The following COL4A3 variants were observed in gnomAD, a reference collection of about 807,000 sequenced individuals.
COL4A3 encodes collagen type IV alpha 3 chain.
Under a neutral mutation model 217.4 loss-of-function variants are expected in COL4A3, and 135 were observed. The observed-to-expected ratio is 0.62, with a 90% confidence interval of 0.54 to 0.72. The LOEUF (loss-of-function observed/expected upper bound fraction) is 0.72, where lower values mean the gene tolerates loss of function less well. Ranked by LOEUF, COL4A3 falls within the 30% of genes least tolerant of loss-of-function variation. The pLI is 0.00. For synonymous variants in COL4A3, 690 were observed against 736.3 expected (o/e 0.94, Z 1.02); for missense variants, 1,868 against 2,119.9 (o/e 0.88, Z 2.33).
chr2:227,200,164 C>T (rs1027747453), intron 1 of COL4A3, among the ~76,000 whole-genome samples: 6 of 149,770 alleles, frequency 4.0e-5, no homozygotes, highest in Admixed American at 1.3e-4. Context: ...TTTGTGATCT[C>T]GATGTAGATG....
intron 43 of COL4A3, among the ~76,000 whole-genome samples, chr2:227,299,062 G>A (rs1429554257): frequency 6.6e-6 from 1 of 152,166 alleles, no homozygotes; most frequent in Non-Finnish European, 1.5e-5. Flanking sequence ...TGCAACAGGA[G>A]AGAGAATGAG....
intron 1 of COL4A3, chr2:227,228,729 C>T (rs72977853): frequency 0.21 from 32,460 of 152,048 alleles, 4,544 homozygotes; most frequent in Non-Finnish European, 0.31. Flanking sequence ...ATCCTTTTAA[C>T]GAACAATAAA....
At chr2:227,299,011 T>C (rs567207251) in intron 43 of COL4A3, among the ~76,000 whole-genome samples, 199 bp downstream of exon 43, 1 of 152,244 alleles carries the variant, frequency 6.6e-6, no homozygotes, top group Non-Finnish European at 1.5e-5. Context: ...TGGGGAGACC[T>C]CAAGAAACTT....
intron 9 of COL4A3, among the ~76,000 whole-genome samples, chr2:227,249,072 G>A (rs367686245): frequency 6.7e-6 from 1 of 150,130 alleles, no homozygotes; most frequent in East Asian, 2.0e-4. Context: ...GCCTGAGTAT[G>A]ATCCAAAAGG....
At chr2:227,257,016 C>T (rs187895855) in intron 17 of COL4A3, among the ~76,000 whole-genome samples, 13 of 152,250 alleles carry the variant, frequency 8.5e-5, no homozygotes, top group Non-Finnish European at 7.3e-5. Flanking sequence ...AATTGTAACA[C>T]AAAGGTGGGT....
intron 25 of COL4A3, among the ~76,000 whole-genome samples, chr2:227,272,031 A>C (rs2071272312): frequency 6.6e-6 from 1 of 152,194 alleles, no homozygotes; most frequent in Admixed American, 6.5e-5. Context: ...AAGATAAGCT[A>C]TCTGGTCTTT....
At chr2:227,188,917 G>A (rs2066131100) in intron 1 of COL4A3, among the ~76,000 whole-genome samples, 1 of 152,198 alleles carries the variant, frequency 6.6e-6, no homozygotes, top group Non-Finnish European at 1.5e-5. Context: ...TCACATGATA[G>A]GACAGGGATG....
intron 14 of COL4A3, 100 bp downstream of exon 14, chr2:227,254,274 G>C (rs942297956): frequency 5.0e-6 from 5 of 1,004,444 alleles, no homozygotes; most frequent in Non-Finnish European, 7.7e-6. Context: ...TTTTTTTAAA[G>C]AAAGTAAAGG....
intron 1 of COL4A3, among the ~76,000 whole-genome samples, chr2:227,188,027 GC>G (rs2125693233): frequency 6.6e-6 from 1 of 152,180 alleles, no homozygotes; most frequent in East Asian, 1.9e-4. Context: ...ACAAACAGCA[GC>G]CCCCACTGTT....
rs1559819942 is a variant in COL4A3 at position 227,202,898 on chromosome 2, T to TAC, written c.88-35069_88-35068insCA. Reference sequence around the variant, plus strand: ...ATATATACATATGTGTATATATGTGTATATATGTGTATATATACATATATG... The same window carrying TAC: ...ATATATACATATGTGTATATATGTGTACATATATGTGTATATATACATATATG... On this transcript the variant is annotated intron_variant, in intron 1 of 51. Transcript: ENST00000396578. Among the ~76,000 whole-genome samples the TAC allele has an allele frequency of 5.7e-4, 22 of 38,818 alleles. 1 individual carries two copies. Among genetic ancestry groups the TAC allele is most frequent in the African/African-American group, 2.5e-3 (16 of 6,482 alleles). 25.5% of individuals were successfully genotyped at this position (38,818 alleles called of 152,430 possible).
In COL4A3 at chr2:227,273,019, C is replaced by T; in HGVS notation, c.1829C>T (p.Ala610Val). The change falls in exon 26 of 52, where the codon GCA (alanine) becomes GTA (valine). Residue 610 changes from alanine to valine, a missense_variant. Ala to Val is a moderately conservative substitution (Grantham distance 64). Coordinates refer to ENST00000396578, the MANE Select transcript of COL4A3 (RefSeq NM_000091.5). Reference sequence around the variant, plus strand: ...GGCTCCCCTGGGTCCCCAGGACCTGCAGGACCAGCTGGACCACCTGGCTAC... The same window carrying T: ...GGCTCCCCTGGGTCCCCAGGACCTGTAGGACCAGCTGGACCACCTGGCTAC... ...DPGSPGSPGP[A>V]GPAGPPGYGP... 1 of 1,614,044 alleles carries T rather than the reference C, an allele frequency of 6.2e-7. No homozygotes were observed. The highest frequency in any genetic ancestry group is 8.5e-7 in the Non-Finnish European group (1 of 1,179,944).
intron 3 of COL4A3, 25 bp from the exon 4 acceptor site, chr2:227,244,295 T>G (rs1559860208): frequency 6.2e-7 from 1 of 1,612,344 alleles, no homozygotes; most frequent in African/African-American, 1.3e-5. Context: ...GAGTGTTTAC[T>G]TTTTCTTTTT....
intron 22 of COL4A3, 72 bp from the exon 23 acceptor site, chr2:227,266,921 G>T: frequency 9.9e-7 from 1 of 1,012,614 alleles, no homozygotes; most frequent in Non-Finnish European, 1.6e-6. Context: ...TGATAGTGTG[G>T]TTGGAAAATA....
intron 1 of COL4A3, among the ~76,000 whole-genome samples, chr2:227,202,746 A>AAAAAAAT (rs1553738297): frequency 9.0e-5 from 2 of 22,202 alleles, no homozygotes; most frequent in African/African-American, 2.4e-4. Flanking sequence ...AAAAAAAAAA[A>AAAAAAAT]ATATATATAT....
In COL4A3 at chr2:227,206,375, C is replaced by G. The variant is rs534650372; in HGVS notation, c.88-31593C>G. On this transcript the variant is annotated intron_variant, in intron 1 of 51. Transcript: ENST00000396578. ...GGCCTGAGCCACTGTGCCCCGCCCCCTCAGGTGATTCTAATGTGCAAGGAG... is the reference window on the plus strand; with the variant it reads ...GGCCTGAGCCACTGTGCCCCGCCCCGTCAGGTGATTCTAATGTGCAAGGAG... 2.6e-5 allele frequency among the ~76,000 whole-genome samples: 4 copies of G among 152,216 alleles called. No individual in the cohort carries two copies. The South Asian group carries it at 6.2e-4, about 24-fold the overall frequency.
chr2:227,277,341 C>T, intron 27 of COL4A3, 108 bp from the exon 28 acceptor site: 1 of 458,074 alleles, frequency 2.2e-6, no homozygotes, highest in Non-Finnish European at 3.7e-6. Context: ...AAAAAAAAAA[C>T]AATGTGCAAA....
At chr2:227,213,346 TG>T (rs1415722916) in intron 1 of COL4A3, among the ~76,000 whole-genome samples, 1 of 152,216 alleles carries the variant, frequency 6.6e-6, no homozygotes, top group Admixed American at 6.5e-5. Flanking sequence ...AGGTGTTGGA[TG>T]ACTTTTTTTG....
At chr2:227,279,250 T>A (rs2071786897) in intron 28 of COL4A3, among the ~76,000 whole-genome samples, 1 of 151,356 alleles carries the variant, frequency 6.6e-6, no homozygotes, top group Non-Finnish European at 1.5e-5. Flanking sequence ...GGCTAGTTTT[T>A]TTGTTGTTGT....
Position 227,305,090 on chromosome 2 carries a change from C to T in COL4A3, c.4252+7C>T, listed in dbSNP as rs2106274701. Reference sequence around the variant, plus strand: ...GGTTCTAAAGGAGAGCCAGGTAAACCCCCAGCTTGTTTCCTCACCGAAGAA... The same window carrying T: ...GGTTCTAAAGGAGAGCCAGGTAAACTCCCAGCTTGTTTCCTCACCGAAGAA... On this transcript the variant is annotated splice_region_variant and intron_variant, in intron 47 of 51. Transcript: ENST00000396578. 1 of 1,612,172 alleles carries T rather than the reference C, an allele frequency of 6.2e-7. No homozygotes were observed. Among genetic ancestry groups the T allele is most frequent in the East Asian group, 2.2e-5 (1 of 44,866 alleles).
Sources: allele counts gnomAD v4.1 joint callset (sites outside exome capture counted in the v4.1 genomes callset), GRCh38; gene constraint gnomAD v4.1.1; transcripts MANE v1.5; gene names NCBI Gene and HGNC (gene_info 2026-07-23, HGNC 2026-07-21).